GARIN2: variants seen among roughly 807,000 people sequenced by gnomAD.
The protein encoded by GARIN2 is Golgi-associated RAB2 interactor protein 2.
chr14:67,198,484 A>G, the GARIN2 span, among the ~76,000 whole-genome samples: 6 of 152,354 alleles, frequency 3.9e-5, no homozygotes, highest in South Asian at 6.2e-4. Context: ...AATAATTACA[A>G]TGTTAAAGGA....
the GARIN2 span, among the ~76,000 whole-genome samples, chr14:67,219,808 G>A: frequency 6.6e-6 from 1 of 152,042 alleles, no homozygotes; most frequent in African/African-American, 2.4e-5. Context: ...TGACTCTACT[G>A]GAGAGAAATA....
At chr14:67,197,771 G>A in the GARIN2 span, among the ~76,000 whole-genome samples, 1 of 152,120 alleles carries the variant, frequency 6.6e-6, no homozygotes, top group East Asian at 1.9e-4. Flanking sequence ...GTCTGTGGGG[G>A]AATATATTGA....
the GARIN2 span, among the ~76,000 whole-genome samples, chr14:67,223,450 C>T: frequency 1.3e-5 from 2 of 152,194 alleles, no homozygotes; most frequent in Non-Finnish European, 2.9e-5. Context: ...TTCGCTGTCT[C>T]AAAACCCTTT....
the GARIN2 span, among the ~76,000 whole-genome samples, chr14:67,210,659 T>C: frequency 6.6e-6 from 1 of 151,896 alleles, no homozygotes; most frequent in Admixed American, 6.6e-5. Context: ...CATATAATTG[T>C]AAAAGTAAAT....
chr14:67,222,004 C>T, the GARIN2 span: 2 of 618,758 alleles, frequency 3.2e-6, no homozygotes, highest in Non-Finnish European at 5.3e-6. Flanking sequence ...CTCAGGCTAT[C>T]TTTCAAGTGG....
the GARIN2 span, chr14:67,199,450 C>G: frequency 6.2e-7 from 1 of 1,612,912 alleles, no homozygotes; most frequent in Non-Finnish European, 8.5e-7. Flanking sequence ...TACAAACCCC[C>G]AAGATTATGT....
chr14:67,221,718 C>A, the GARIN2 span: 2 of 1,595,280 alleles, frequency 1.3e-6, no homozygotes, highest in African/African-American at 2.7e-5. Context: ...TCTAGTAGAT[C>A]TTTTCTAAAT....
At chr14:67,227,991 G>A in the GARIN2 span, among the ~76,000 whole-genome samples, 5 of 152,076 alleles carry the variant, frequency 3.3e-5, no homozygotes, top group South Asian at 1.0e-3. Flanking sequence ...CCAACATGGT[G>A]AAACCTCATC....
At chr14:67,224,372 C>G in the GARIN2 span, among the ~76,000 whole-genome samples, 2 of 151,806 alleles carry the variant, frequency 1.3e-5, no homozygotes, top group South Asian at 2.1e-4. Context: ...GATTCTCTTG[C>G]CTCAGTCTCC....
At chr14:67,206,725 TTTATTA>T in the GARIN2 span, among the ~76,000 whole-genome samples, 1 of 151,296 alleles carries the variant, frequency 6.6e-6, no homozygotes, top group Non-Finnish European at 1.5e-5. Flanking sequence ...CAAGCAATAA[TTTATTA>T]TTATTATTAT....
At chr14:67,221,740 T>A in the GARIN2 span, 3 of 1,610,234 alleles carry the variant, frequency 1.9e-6, no homozygotes, top group South Asian at 3.3e-5. Context: ...TTTGTGGTTA[T>A]GCTGGCAAAT....
the GARIN2 span, chr14:67,200,109 C>T: frequency 9.6e-7 from 1 of 1,039,408 alleles, no homozygotes; most frequent in East Asian, 2.4e-5. Context: ...CTCCAATGGG[C>T]ATGCCCCCCC....
chr14:67,228,447 A>G, the GARIN2 span: 3 of 273,940 alleles, frequency 1.1e-5, no homozygotes, highest in South Asian at 4.3e-4. Context: ...ACAAACTACT[A>G]AACTAAAAAG....
the GARIN2 span, chr14:67,198,139 T>C: frequency 6.3e-7 from 1 of 1,598,544 alleles, no homozygotes; most frequent in Non-Finnish European, 8.5e-7. Context: ...CCCTCAGTTT[T>C]TTTATGTTTA....
chr14:67,225,637 T>A, the GARIN2 span, among the ~76,000 whole-genome samples: 1 of 152,218 alleles, frequency 6.6e-6, no homozygotes, highest in African/African-American at 2.4e-5. Context: ...AGCAAAATGA[T>A]ACAGATATTC....
At chr14:67,195,249 G>A in the GARIN2 span, among the ~76,000 whole-genome samples, 1 of 152,184 alleles carries the variant, frequency 6.6e-6, no homozygotes, top group African/African-American at 2.4e-5. Flanking sequence ...CAAAAAGGAA[G>A]AGGGGCGAGA....
the GARIN2 span, among the ~76,000 whole-genome samples, chr14:67,192,690 C>A: frequency 6.6e-6 from 1 of 151,194 alleles, no homozygotes; most frequent in Non-Finnish European, 1.5e-5. Flanking sequence ...TAGCTTGACA[C>A]CATGATTGAT....
At chr14:67,222,773 G>A in the GARIN2 span, among the ~76,000 whole-genome samples, 1 of 151,960 alleles carries the variant, frequency 6.6e-6, no homozygotes, top group Non-Finnish European at 1.5e-5. Context: ...TCAAACCTGG[G>A]AGACAGACCA....
At chr14:67,226,908 G>T in the GARIN2 span, among the ~76,000 whole-genome samples, 1 of 152,092 alleles carries the variant, frequency 6.6e-6, no homozygotes, top group East Asian at 1.9e-4. Flanking sequence ...AGGGTGACAC[G>T]TGCTGGCTCC....
Sources: gnomAD v4.1 joint callset for allele counts (sites outside exome capture counted in the v4.1 genomes callset) on GRCh38, gnomAD v4.1.1 for gene constraint, MANE v1.5 for transcripts, NCBI Gene and HGNC (gene_info 2026-07-23, HGNC 2026-07-21) for gene names.